Variants in SPINK1 observed in about 807,000 individuals in gnomAD.
The protein encoded by SPINK1 is serine protease inhibitor Kazal-type 1.
A neutral mutation model predicts 9.5 loss-of-function variants in SPINK1; 5 were observed. The ratio of observed to expected loss-of-function variants is 0.52; its 90% CI spans 0.27 to 1.10. The LOEUF (loss-of-function observed/expected upper bound fraction) is 1.10, where lower values mean the gene tolerates loss of function less well. SPINK1 is among the 50% of genes least tolerant of loss of function. SPINK1 has a pLI of 0.11. For synonymous variants in SPINK1, 37 were observed against 32.3 expected (o/e 1.14, Z -0.49); for missense variants, 88 against 92.7 (o/e 0.95, Z 0.21).
Position 147,826,912 on chromosome 5 carries a change from T to C in SPINK1, c.194+1110A>G, listed in dbSNP as rs553606975. Among the ~76,000 whole-genome samples, 7 of 152,324 alleles carry C rather than the reference T, an allele frequency of 4.6e-5. No homozygotes were observed. The East Asian group carries it at 1.4e-3, about 29-fold the overall frequency. ...TATAATGGAAATTTACACAGTCATT[T>C]GAGCCTGAGTCAAAGTCTTTAATAT... On this transcript the variant is annotated intron_variant, in intron 3 of 3. Transcript: ENST00000296695.
At position 147,831,515 on chromosome 5, in the gene SPINK1, A is replaced by T. The variant is rs375859555; in HGVS notation, c.55+8T>A. The T allele has an allele frequency of 2.5e-6, 4 of 1,613,406 alleles. No individual in the cohort carries two copies. Among genetic ancestry groups the T allele is most frequent in the Admixed American group, 1.7e-5 (1 of 59,982 alleles). ...TTTATTTAAATTTGAAAAATATGCA[A>T]CACTTACCAGATAGACTCAACAGGG... On this transcript the variant is annotated splice_region_variant and intron_variant, in intron 1 of 3. Transcript: ENST00000296695.
chr5:147,838,638 C>A, the SPINK1 span, among the ~76,000 whole-genome samples: 3 of 152,194 alleles, frequency 2.0e-5, no homozygotes, highest in Admixed American at 2.0e-4. Context: ...TAAAATATAT[C>A]TGATTATTTT....
upstream of SPINK1, among the ~76,000 whole-genome samples, chr5:147,836,296 TTG>T (rs58122057): frequency 0.29 from 42,656 of 146,162 alleles, 6,090 homozygotes; most frequent in East Asian, 0.34. Context: ...ATTTACTGAT[TTG>T]TGTGTGTGTG....
upstream of SPINK1, among the ~76,000 whole-genome samples, chr5:147,835,422 C>G (rs1285305481): frequency 6.6e-6 from 1 of 151,990 alleles, no homozygotes. Flanking sequence ...TATTGTTTGC[C>G]CCGGGAGATG....
chr5:147,831,104 A>G (rs1323630677), intron 1 of SPINK1, among the ~76,000 whole-genome samples: 4 of 152,236 alleles, frequency 2.6e-5, no homozygotes, highest in African/African-American at 7.2e-5. Flanking sequence ...TAAATTTTTA[A>G]TCAGTCAAAT....
chr5:147,831,565 C>A lies in SPINK1; in HGVS notation c.13G>T (p.Gly5Cys). The change falls in exon 1 of 4, where the codon GGC becomes TGC. Residue 5 changes from glycine to cysteine, a missense_variant. Coordinates refer to ENST00000296695, the MANE Select transcript of SPINK1 (RefSeq NM_001379610.1). Reference sequence around the variant, plus strand: ...GCCAAGGCACTGAGAAGAAAGATGCCTGTTACCTTCATGGCTGAAGTTCTG... The same window carrying A: ...GCCAAGGCACTGAGAAGAAAGATGCATGTTACCTTCATGGCTGAAGTTCTG... MKVT[G>C]IFLLSALALL... The A allele has an allele frequency of 6.2e-7, 1 of 1,613,644 alleles. No homozygotes were observed. Among genetic ancestry groups the A allele is most frequent in the Non-Finnish European group, 8.5e-7 (1 of 1,179,850 alleles).
intron 3 of SPINK1, among the ~76,000 whole-genome samples, chr5:147,825,029 G>A (rs4705202): frequency 0.39 from 59,788 of 151,956 alleles, 12,093 homozygotes; most frequent in East Asian, 0.6. Flanking sequence ...TGCTCCTGAT[G>A]CCTCTGCCTT....
chr5:147,827,367 C>T (rs1756427372), intron 3 of SPINK1: 1 of 152,392 alleles, frequency 6.6e-6, no homozygotes, highest in African/African-American at 2.4e-5. Flanking sequence ...TTCTTGGCCC[C>T]TTTTAATAAA....
chr5:147,831,818 A>T, upstream of SPINK1: 4 of 1,382,648 alleles, frequency 2.9e-6, no homozygotes, highest in Non-Finnish European at 3.8e-6. Context: ...CATGCAAGGC[A>T]AAGATTCTGT....
At chr5:147,827,397 A>T (rs1021100812) in intron 3 of SPINK1, 3 of 152,200 alleles carry the variant, frequency 2.0e-5, no homozygotes, top group Non-Finnish European at 4.4e-5. Context: ...TCTCTGCTTC[A>T]CTCCTGTTGC....
At chr5:147,828,620 A>C (rs1367893575) in intron 2 of SPINK1, among the ~76,000 whole-genome samples, 6 of 152,166 alleles carry the variant, frequency 3.9e-5, no homozygotes, top group African/African-American at 1.2e-4. Context: ...CTCCAGTAAG[A>C]GTTTATAATC....
intron 2 of SPINK1, among the ~76,000 whole-genome samples, chr5:147,828,497 G>T (rs1266475619): frequency 6.6e-6 from 1 of 152,108 alleles, no homozygotes; most frequent in Non-Finnish European, 1.5e-5. Context: ...TCTCAGGTTG[G>T]CCACATCTTG....
chr5:147,824,810 G>A, intron 3 of SPINK1, 104 bp from the exon 4 acceptor site: 2 of 979,498 alleles, frequency 2.0e-6, no homozygotes, highest in South Asian at 2.8e-5. Context: ...TTTAAAGTTG[G>A]AGAGGTTTGA....
At chr5:147,830,184 TG>T (rs1756484223) in intron 1 of SPINK1, among the ~76,000 whole-genome samples, 2 of 152,224 alleles carry the variant, frequency 1.3e-5, no homozygotes, top group Non-Finnish European at 2.9e-5. Context: ...AGAGTTCTTT[TG>T]CCAACTCACT....
chr5:147,834,130 G>A (rs1348077627), upstream of SPINK1, among the ~76,000 whole-genome samples: 1 of 151,970 alleles, frequency 6.6e-6, no homozygotes, highest in Non-Finnish European at 1.5e-5. Context: ...CTATTCATAC[G>A]ATTATTATGT....
upstream of SPINK1, among the ~76,000 whole-genome samples, chr5:147,834,029 C>T (rs906656762): frequency 7.9e-5 from 12 of 152,098 alleles, no homozygotes; most frequent in African/African-American, 2.9e-4. Flanking sequence ...CTGGGTCTTC[C>T]TTTACTTCTT....
chr5:147,824,594 A>T lies in SPINK1; in HGVS notation c.*67T>A, dbSNP rs1725744427. ...TGGAAACAACAGGGGATATTCAGAT[A>T]CATTTATTCAACAATAAGGCCAGTC... On this transcript the variant is annotated 3_prime_UTR_variant, in exon 4 of 4. Coordinates refer to ENST00000296695, the MANE Select transcript of SPINK1 (RefSeq NM_001379610.1). The T allele has an allele frequency of 6.8e-7, 1 of 1,465,612 alleles. No individual in the cohort carries two copies. The highest frequency in any genetic ancestry group is 9.6e-7 in the Non-Finnish European group (1 of 1,045,856). The allele number at this position is 1,465,612 out of a possible 1,614,324, so 90.8% of individuals were successfully genotyped here. A position where few individuals can be genotyped will look rare whatever the true frequency, so the allele number is the denominator to read the frequency against.
upstream of SPINK1, among the ~76,000 whole-genome samples, chr5:147,835,068 G>A (rs910065139): frequency 2.0e-5 from 3 of 151,896 alleles, no homozygotes; most frequent in Admixed American, 2.0e-4. Context: ...GTTAAAAACT[G>A]GCCCTAAATT....
intron 1 of SPINK1, among the ~76,000 whole-genome samples, chr5:147,830,311 G>A (rs987478632): frequency 2.6e-5 from 4 of 152,136 alleles, no homozygotes; most frequent in African/African-American, 9.7e-5. Flanking sequence ...CCAGAAAATA[G>A]CAGAGGTTTT....
Sources: allele counts gnomAD v4.1 joint callset (sites outside exome capture counted in the v4.1 genomes callset), GRCh38; gene constraint gnomAD v4.1.1; transcripts MANE v1.5; gene names NCBI Gene and HGNC (gene_info 2026-07-23, HGNC 2026-07-21).